Variants in PALM2AKAP2 observed in about 807,000 individuals in gnomAD.
The protein encoded by PALM2AKAP2 is PALM2-AKAP2 fusion protein.
Under a neutral mutation model 71.5 loss-of-function variants are expected in PALM2AKAP2, and 37 were observed. That is an observed-to-expected ratio of 0.52 (90% CI 0.40 to 0.68). PALM2AKAP2 has a LOEUF of 0.68. PALM2AKAP2 is among the 30% of genes least tolerant of loss of function. The pLI is 0.00. For missense variants in PALM2AKAP2, 1,224 were observed against 1,191.8 expected, an observed-to-expected ratio of 1.03 and a Z score of -0.40; for synonymous variants, 468 against 478.8, an observed-to-expected ratio of 0.98 and a Z score of 0.29.
At chr9:110,027,636 C>T (rs2132398631) in intron 7 of PALM2AKAP2, among the ~76,000 whole-genome samples, 1 of 152,280 alleles carries the variant, frequency 6.6e-6, no homozygotes, top group Non-Finnish European at 1.5e-5. Context: ...TATTCAAGGA[C>T]ATGGGAAAGC....
At chr9:109,824,277 C>T (rs1395901347) in intron 1 of PALM2AKAP2, among the ~76,000 whole-genome samples, 1 of 152,196 alleles carries the variant, frequency 6.6e-6, no homozygotes, top group South Asian at 2.1e-4. Context: ...TGACATGCCC[C>T]TCTCTTCATG....
At chr9:109,978,968 A>T (rs1832218661) in intron 6 of PALM2AKAP2, among the ~76,000 whole-genome samples, 1 of 150,450 alleles carries the variant, frequency 6.6e-6, no homozygotes, top group Non-Finnish European at 1.5e-5. Context: ...TCTTCTCCAC[A>T]AGCCTCTCTG....
intron 1 of PALM2AKAP2, among the ~76,000 whole-genome samples, chr9:109,810,330 G>A (rs1304971132): frequency 1.3e-5 from 2 of 152,324 alleles, no homozygotes; most frequent in African/African-American, 4.8e-5. Context: ...AGGAGATGGT[G>A]AGGCACTAGG....
chr9:109,954,658 TAAAAA>T lies in PALM2AKAP2; in HGVS notation c.496+22649_496+22653del, dbSNP rs56743395. On this transcript the variant is annotated intron_variant, in intron 6 of 9. Transcript: ENST00000302798. ...ATGTACCCTAAAACTTAAAGTATAA[TAAAAA>T]AAAAAAAAAAAAAAAAAAGAAGTTA... Among the ~76,000 whole-genome samples, 150 of 107,912 alleles carry T rather than the reference TAAAAA, an allele frequency of 1.4e-3. 2 individuals are homozygous for T. The highest frequency in any genetic ancestry group is 4.6e-3 in the African/African-American group (132 of 28,586). The allele number at this position is 107,912 out of a possible 152,430, so 70.8% of individuals were successfully genotyped here. A position where few individuals can be genotyped will look rare whatever the true frequency, so the allele number is the denominator to read the frequency against.
chr9:110,087,288 A>G (rs1432713828), intron 1 of PALM2AKAP2, among the ~76,000 whole-genome samples: 1 of 152,168 alleles, frequency 6.6e-6, no homozygotes, highest in African/African-American at 2.4e-5. Context: ...CATCATCTTA[A>G]TACTATTAAT....
intron 1 of PALM2AKAP2, among the ~76,000 whole-genome samples, chr9:109,817,977 G>A (rs1403882951): frequency 2.0e-5 from 3 of 152,200 alleles, no homozygotes; most frequent in Non-Finnish European, 4.4e-5. Flanking sequence ...GTTCCTCTGT[G>A]ACTTCATTCA....
chr9:110,142,617 T>G (rs1276323728), intron 2 of PALM2AKAP2, among the ~76,000 whole-genome samples: 2 of 152,184 alleles, frequency 1.3e-5, no homozygotes, highest in Non-Finnish European at 2.9e-5. Context: ...AAGAAAGTCT[T>G]CCTTCCTTAG....
At chr9:109,767,625 C>T (rs1415699257) in intron 1 of PALM2AKAP2, among the ~76,000 whole-genome samples, 1 of 152,216 alleles carries the variant, frequency 6.6e-6, no homozygotes, top group Non-Finnish European at 1.5e-5. Flanking sequence ...GGCCTCCTCT[C>T]CCTGAACCCC....
At chr9:109,765,332 G>A (rs1587899351) in intron 1 of PALM2AKAP2, 1 of 152,348 alleles carries the variant, frequency 6.6e-6, no homozygotes, top group East Asian at 1.9e-4. Context: ...TGGAGACAAT[G>A]CTAGTACTTC....
At chr9:109,955,371 G>A (rs912640362) in intron 6 of PALM2AKAP2, among the ~76,000 whole-genome samples, 3 of 152,112 alleles carry the variant, frequency 2.0e-5, no homozygotes, top group Admixed American at 2.0e-4. Flanking sequence ...ATTAACCTTA[G>A]GTTAAATGAA....
chr9:110,045,918 G>A (rs953489407), upstream of PALM2AKAP2, among the ~76,000 whole-genome samples: 7 of 152,098 alleles, frequency 4.6e-5, no homozygotes, highest in African/African-American at 7.2e-5. Flanking sequence ...TACTGGCTTC[G>A]AAAAATTCTG....
intron 2 of PALM2AKAP2, among the ~76,000 whole-genome samples, chr9:110,143,411 CAAAAAAA>C (rs10638600): frequency 1.4e-5 from 1 of 69,092 alleles, no homozygotes. Flanking sequence ...AGCAAAGTGC[CAAAAAAA>C]AAAAAAAAAA....
intron 1 of PALM2AKAP2, among the ~76,000 whole-genome samples, chr9:109,823,219 C>T (rs1828058019): frequency 6.6e-6 from 1 of 152,120 alleles, no homozygotes; most frequent in Non-Finnish European, 1.5e-5. Flanking sequence ...AGTCTACACA[C>T]ACAGACACAT....
chr9:110,143,419 A>AAC (rs10637270), intron 2 of PALM2AKAP2, among the ~76,000 whole-genome samples: 19,415 of 147,280 alleles, frequency 0.13, 1,545 homozygotes, highest in Non-Finnish European at 0.18. Context: ...GCCAAAAAAA[A>AAC]AAAAAAAAAA....
chr9:109,863,972 C>T (rs1042707817), intron 1 of PALM2AKAP2, among the ~76,000 whole-genome samples: 12 of 151,758 alleles, frequency 7.9e-5, no homozygotes, highest in African/African-American at 2.2e-4. Context: ...CCCAGCTACT[C>T]GGGAGGCTGA....
chr9:110,145,405 C>T (rs1157451433), intron 2 of PALM2AKAP2, among the ~76,000 whole-genome samples: 1 of 152,158 alleles, frequency 6.6e-6, no homozygotes, highest in Non-Finnish European at 1.5e-5. Context: ...AGAAGCTCTG[C>T]CATTTACTCC....
At chr9:109,978,525 A>C (rs561931773) in intron 6 of PALM2AKAP2, among the ~76,000 whole-genome samples, 2 of 152,360 alleles carry the variant, frequency 1.3e-5, no homozygotes, top group African/African-American at 4.8e-5. Context: ...GAAAAGGAGC[A>C]TCTGCGTCTT....
intron 1 of PALM2AKAP2, among the ~76,000 whole-genome samples, chr9:109,743,107 C>A (rs1398178393): frequency 6.6e-6 from 1 of 152,120 alleles, no homozygotes; most frequent in Admixed American, 6.5e-5. Context: ...AAGCTGCTTC[C>A]CATTCACCCT....
intron 6 of PALM2AKAP2, among the ~76,000 whole-genome samples, chr9:110,007,300 C>T (rs78047495): frequency 0.019 from 2,818 of 152,154 alleles, 99 homozygotes; most frequent in African/African-American, 0.065. Flanking sequence ...TGTTTAATGC[C>T]CCATTAAATA....
Sources: gnomAD v4.1 joint callset for allele counts (sites outside exome capture counted in the v4.1 genomes callset) on GRCh38, gnomAD v4.1.1 for gene constraint, MANE v1.5 for transcripts, NCBI Gene and HGNC (gene_info 2026-07-23, HGNC 2026-07-21) for gene names.